CUBN: variants seen among roughly 807,000 people sequenced by gnomAD.
The protein encoded by CUBN is 460 kDa receptor.
A neutral mutation model predicts 405.3 loss-of-function variants in CUBN; 282 were observed. The observed-to-expected ratio is 0.70, with a 90% CI of 0.63 to 0.77. The LOEUF (loss-of-function observed/expected upper bound fraction) is 0.77. Ranked by LOEUF, CUBN falls within the 30% of genes least tolerant of loss-of-function variation. CUBN has a pLI of 0.00. For missense variants in CUBN, 4,514 were observed against 4,475.2 expected (o/e 1.01, Z -0.25); for synonymous variants, 1,684 against 1,617.0 (o/e 1.04, Z -0.99).
chr10:17,065,133 C>G (rs35076405), intron 22 of CUBN, among the ~76,000 whole-genome samples: 2 of 134,256 alleles, frequency 1.5e-5, no homozygotes, highest in Admixed American at 7.3e-5. Context: ...TCTCTCTCCC[C>G]CCCCCCCCAC....
At chr10:16,827,162 A>G (rs1476990048) in intron 66 of CUBN, among the ~76,000 whole-genome samples, 8 of 152,190 alleles carry the variant, frequency 5.3e-5, no homozygotes, top group Non-Finnish European at 1.5e-5. Flanking sequence ...GTAGTTGCAA[A>G]AAGTTCAAGA....
intron 58 of CUBN, among the ~76,000 whole-genome samples, chr10:16,874,128 T>C (rs374877078): frequency 2.0e-5 from 3 of 152,224 alleles, no homozygotes; most frequent in Non-Finnish European, 4.4e-5. Context: ...TTCACAATTG[T>C]TGGGAAACTA....
At chr10:16,974,134 A>C (rs999694176) in intron 31 of CUBN, among the ~76,000 whole-genome samples, 1 of 152,138 alleles carries the variant, frequency 6.6e-6, no homozygotes, top group Non-Finnish European at 1.5e-5. Flanking sequence ...ATATTATCTC[A>C]AATACCTAAC....
chr10:17,081,552 G>C (rs1835969132), intron 17 of CUBN, among the ~76,000 whole-genome samples: 1 of 152,032 alleles, frequency 6.6e-6, no homozygotes, highest in South Asian at 2.1e-4. Flanking sequence ...TCATTTTAGG[G>C]AACAATATAT....
chr10:17,113,348 G>T (rs1281953986), intron 8 of CUBN, among the ~76,000 whole-genome samples: 1 of 152,104 alleles, frequency 6.6e-6, no homozygotes, highest in African/African-American at 2.4e-5. Flanking sequence ...CATCCCTGGA[G>T]CGCAGATGAA....
intron 26 of CUBN, among the ~76,000 whole-genome samples, chr10:17,042,902 A>C (rs2131816902): frequency 6.6e-6 from 1 of 152,286 alleles, no homozygotes; most frequent in East Asian, 1.9e-4. Flanking sequence ...TTATGGATAA[A>C]TTTTGATTCT....
rs1487348777 is a variant in CUBN, at chr10:16,906,097, G to A, written c.7912+106C>T. On this transcript the variant is annotated intron_variant, in intron 50 of 66. Transcript: ENST00000377833. The stretch of plus-strand genomic sequence containing the variant: ...CCACTGCACTCCAGTCCGGGCAAGA[G>A]AGCAAGCTCCTGTCTCAAAACAACA... The A allele has an allele frequency of 4.3e-6, 4 of 926,242 alleles. No homozygotes were observed. In the East Asian group the frequency reaches 7.8e-5, roughly 18 times the overall value. The allele number at this position is 926,242 out of a possible 1,614,324, so 57.4% of individuals were successfully genotyped here.
At chr10:16,915,758 C>A in intron 46 of CUBN, 63 bp downstream of exon 46, 2 of 1,402,820 alleles carry the variant, frequency 1.4e-6, no homozygotes, top group Non-Finnish European at 2.0e-6. Flanking sequence ...GAAGAAACTT[C>A]AGAGGCTGAA....
intron 31 of CUBN, among the ~76,000 whole-genome samples, chr10:16,958,228 C>A (rs1843125096): frequency 6.6e-6 from 1 of 152,156 alleles, no homozygotes; most frequent in Non-Finnish European, 1.5e-5. Flanking sequence ...ACCCCCAGCC[C>A]CTGAGGTCCT....
intron 28 of CUBN, among the ~76,000 whole-genome samples, chr10:16,992,004 A>G (rs1274068128): frequency 6.6e-6 from 1 of 152,214 alleles, no homozygotes; most frequent in Non-Finnish European, 1.5e-5. Flanking sequence ...ATGTCCAACA[A>G]TGATAGACTG....
In CUBN at chr10:16,939,139, T is replaced by C; in HGVS notation, c.5557A>G (p.Asn1853Asp). Residue 1853 changes from asparagine (N) to aspartate (D), a missense_variant, in exon 38 of 67, where the codon AAT (asparagine) becomes GAT (aspartate). Around this residue, in one of 5 missense-constraint regions of CUBN, gnomAD observed 1,613 missense variants for 1,542.8 expected, o/e 1.05. Coordinates refer to ENST00000377833, the MANE Select transcript of CUBN (RefSeq NM_001081.4). ...FQATFMKIFG[N>D]DNIVGTHGKV... ...CCATGAGTTCCCACAATATTATCAT[T>C]GCCAAATACTAGGAGGGAAGACAGA... The C allele has an allele frequency of 6.2e-7, 1 of 1,613,370 alleles. No individual in the cohort carries two copies. Among genetic ancestry groups the C allele is most frequent in the South Asian group, 1.1e-5 (1 of 91,070 alleles).
chr10:17,122,628 T>G (rs995806546), intron 6 of CUBN, 167 bp downstream of exon 6: 2 of 656,088 alleles, frequency 3.0e-6, no homozygotes, highest in Admixed American at 2.5e-5. Flanking sequence ...TTTTCTTCAG[T>G]TAAGTAAAAA....
At chr10:17,024,358 G>A (rs79868169) in intron 27 of CUBN, among the ~76,000 whole-genome samples, 420 of 152,228 alleles carry the variant, frequency 2.8e-3, no homozygotes, top group African/African-American at 9.7e-3. Context: ...TGAACTGCAG[G>A]ATCTCCAAGA....
At chr10:16,946,184 A>C (rs1255229288) in intron 36 of CUBN, among the ~76,000 whole-genome samples, 2 of 152,222 alleles carry the variant, frequency 1.3e-5, no homozygotes, top group Non-Finnish European at 2.9e-5. Context: ...GGCAATTTAA[A>C]TTCCAGGATC....
At chr10:17,009,222 T>C (rs1368394238) in intron 28 of CUBN, among the ~76,000 whole-genome samples, 1 of 152,252 alleles carries the variant, frequency 6.6e-6, no homozygotes, top group African/African-American at 2.4e-5. Flanking sequence ...AAAAACAATT[T>C]TATATTTCGG....
intron 31 of CUBN, among the ~76,000 whole-genome samples, chr10:16,977,975 T>C (rs891015178): frequency 6.6e-6 from 1 of 152,232 alleles, no homozygotes; most frequent in Non-Finnish European, 1.5e-5. Context: ...AATGTTAATA[T>C]CTCTCTTTGA....
At chr10:17,124,704 A>AAAGTGC (rs1837132001) in intron 4 of CUBN, among the ~76,000 whole-genome samples, 1 of 152,222 alleles carries the variant, frequency 6.6e-6, no homozygotes, top group Non-Finnish European at 1.5e-5. Context: ...CTGGGATTAC[A>AAAGTGC]GGTGTGAGCC....
At position 16,843,093 on chromosome 10, in the gene CUBN, C is replaced by A. The variant is rs146762143; in HGVS notation, c.9664-2046G>T. ...TTACTTTGTCCGGTCTCTTTCCCAA[C>A]AAGGATGTAAGTCCCACGTGTGGGG... On this transcript the variant is annotated intron_variant, in intron 60 of 66. Transcript: ENST00000377833. Among the ~76,000 whole-genome samples the A allele has an allele frequency of 9.9e-3, 1,512 of 152,298 alleles. 33 individuals carry two copies. The highest frequency in any genetic ancestry group is 0.035 in the African/African-American group (1,451 of 41,554).
At chr10:17,018,473 C>T (rs913489784) in intron 28 of CUBN, among the ~76,000 whole-genome samples, 16 of 152,152 alleles carry the variant, frequency 1.1e-4, no homozygotes, top group Non-Finnish European at 2.4e-4. Flanking sequence ...TTCATGGTCT[C>T]GCTGACTTCA....
Sources: allele counts gnomAD v4.1 joint callset (sites outside exome capture counted in the v4.1 genomes callset), GRCh38; gene constraint gnomAD v4.1.1; regional missense constraint gnomAD v4.1.1; transcripts MANE v1.5; gene names NCBI Gene and HGNC (gene_info 2026-07-23, HGNC 2026-07-21).